EYS: variants seen among roughly 807,000 people sequenced by gnomAD.
The protein encoded by EYS is protein eyes shut homolog.
A neutral mutation model predicts 282.1 loss-of-function variants in EYS; 250 were observed. That is an observed-to-expected ratio of 0.89 (90% confidence interval 0.80 to 0.98). The LOEUF (loss-of-function observed/expected upper bound fraction) is 0.98. EYS is among the 50% of genes least tolerant of loss of function. EYS has a pLI of 0.00. For missense variants in EYS, 4,016 were observed against 3,709.0 expected, an observed-to-expected ratio of 1.08 and a Z score of -2.15; for synonymous variants, 1,355 against 1,282.9, an observed-to-expected ratio of 1.06 and a Z score of -1.20.
chr6:64,454,569 C>T (rs1357660070), intron 26 of EYS, among the ~76,000 whole-genome samples: 1 of 151,884 alleles, frequency 6.6e-6, no homozygotes, highest in East Asian at 1.9e-4. Flanking sequence ...TTCTGTACTC[C>T]CAATTGGTGG....
At chr6:65,228,830 C>T (rs2150265874) in intron 12 of EYS, among the ~76,000 whole-genome samples, 1 of 152,084 alleles carries the variant, frequency 6.6e-6, no homozygotes, top group East Asian at 1.9e-4. Flanking sequence ...TTGTTAATGA[C>T]ACAGAATACA....
At position 64,669,678 on chromosome 6, in the gene EYS, A is replaced by G. The variant is rs73438998; in HGVS notation, c.3444-43433T>C. Among the ~76,000 whole-genome samples, 663 of 152,290 alleles carry G rather than the reference A, an allele frequency of 4.4e-3. 4 individuals carry two copies. The highest frequency in any genetic ancestry group is 0.015 in the African/African-American group (611 of 41,542). On this transcript the variant is annotated intron_variant, in intron 22 of 42. Transcript: ENST00000503581. ...GGTTGCTTGGGCCTCAGGATTTATA[A>G]AAGCTATGTGTTTTTTATTTGTTCT...
chr6:65,604,591 T>C (rs1004297650), intron 2 of EYS, among the ~76,000 whole-genome samples: 3 of 152,058 alleles, frequency 2.0e-5, no homozygotes, highest in East Asian at 1.9e-4. Flanking sequence ...TTTTATTATA[T>C]GTAAATTTTA....
At chr6:64,536,443 T>C (rs77862555) in intron 26 of EYS, among the ~76,000 whole-genome samples, 5,584 of 152,260 alleles carry the variant, frequency 0.037, 224 homozygotes, top group East Asian at 0.11. Context: ...AGGTACTCTC[T>C]ATTACATGGT....
chr6:64,567,826 G>A (rs962305401), intron 26 of EYS, among the ~76,000 whole-genome samples: 1 of 152,142 alleles, frequency 6.6e-6, no homozygotes, highest in Non-Finnish European at 1.5e-5. Flanking sequence ...TGTTATAATA[G>A]AGACCAGATT....
chr6:64,078,828 C>T (rs769173606), intron 32 of EYS, among the ~76,000 whole-genome samples: 3 of 151,966 alleles, frequency 2.0e-5, no homozygotes, highest in African/African-American at 4.8e-5. Flanking sequence ...GATTAAAGTA[C>T]GAACTTTAAT....
intron 5 of EYS, among the ~76,000 whole-genome samples, chr6:65,456,881 G>A (rs1193082874): frequency 6.6e-6 from 1 of 152,156 alleles, no homozygotes; most frequent in Non-Finnish European, 1.5e-5. Context: ...GTCCCTGTTT[G>A]TAGACAACAT....
At chr6:64,669,686 G>A (rs1439178533) in intron 22 of EYS, among the ~76,000 whole-genome samples, 1 of 152,114 alleles carries the variant, frequency 6.6e-6, no homozygotes, top group African/African-American at 2.4e-5. Context: ...TAAAAGCTAT[G>A]TGTTTTTTAT....
At chr6:65,243,744 A>C (rs1767111294) in intron 12 of EYS, among the ~76,000 whole-genome samples, 1 of 152,054 alleles carries the variant, frequency 6.6e-6, no homozygotes, top group South Asian at 2.1e-4. Context: ...ATTTCTACAG[A>C]AAAATAAGAA....
intron 26 of EYS, 25 bp downstream of exon 26, chr6:64,590,198 A>C: frequency 1.3e-6 from 2 of 1,492,752 alleles, no homozygotes; most frequent in Non-Finnish European, 1.8e-6. Context: ...CTAAAAGTTT[A>C]CTGAACAGAA....
intron 30 of EYS, among the ~76,000 whole-genome samples, chr6:64,267,535 A>C (rs1162073930): frequency 1.3e-5 from 2 of 152,064 alleles, no homozygotes; most frequent in African/African-American, 4.8e-5. Flanking sequence ...AATGAATTCC[A>C]CTGGCTTTAA....
chr6:64,382,395 A>G (rs370747677), intron 29 of EYS, among the ~76,000 whole-genome samples: 9 of 152,198 alleles, frequency 5.9e-5, no homozygotes, highest in African/African-American at 9.6e-5. Context: ...AAGTGTCCAA[A>G]CTAATTATCT....
intron 30 of EYS, among the ~76,000 whole-genome samples, chr6:64,250,423 G>C (rs1767171959): frequency 6.6e-6 from 1 of 152,146 alleles, no homozygotes; most frequent in African/African-American, 2.4e-5. Context: ...TTTCTCTAAA[G>C]AGAAAACCTT....
chr6:65,480,173 A>AAATT (rs939760532), intron 5 of EYS, among the ~76,000 whole-genome samples: 5 of 151,916 alleles, frequency 3.3e-5, no homozygotes, highest in South Asian at 4.2e-4. Context: ...CAAATAAGTA[A>AAATT]AATTAATTAA....
intron 5 of EYS, among the ~76,000 whole-genome samples, chr6:65,455,562 A>G (rs1167208214): frequency 2.0e-5 from 3 of 152,292 alleles, no homozygotes; most frequent in African/African-American, 7.2e-5. Context: ...CAGGTGAAAA[A>G]TGCATCATTA....
intron 28 of EYS, among the ~76,000 whole-genome samples, chr6:64,396,428 T>C (rs1348571547): frequency 6.6e-6 from 1 of 152,130 alleles, no homozygotes; most frequent in East Asian, 1.9e-4. Context: ...TTTAGTTTTT[T>C]AATGGTGTTT....
chr6:63,938,956 A>C (rs1374993014), intron 35 of EYS, among the ~76,000 whole-genome samples: 1 of 152,240 alleles, frequency 6.6e-6, no homozygotes, highest in Non-Finnish European at 1.5e-5. Context: ...CTGGAAGCTC[A>C]CAAGACTTAG....
chr6:64,963,594 T>C (rs1013343748), intron 14 of EYS, among the ~76,000 whole-genome samples: 1 of 152,160 alleles, frequency 6.6e-6, no homozygotes, highest in Non-Finnish European at 1.5e-5. Flanking sequence ...ATAGCATAAT[T>C]TGGCCTATGG....
chr6:65,435,745 G>A (rs527521442), intron 5 of EYS, among the ~76,000 whole-genome samples: 1 of 151,936 alleles, frequency 6.6e-6, no homozygotes, highest in Admixed American at 6.6e-5. Context: ...AATTCAGAAA[G>A]TAACTGTATT....
Sources: gnomAD v4.1 joint callset for allele counts (sites outside exome capture counted in the v4.1 genomes callset) on GRCh38, gnomAD v4.1.1 for gene constraint, MANE v1.5 for transcripts, NCBI Gene and HGNC (gene_info 2026-07-23, HGNC 2026-07-21) for gene names.